The following SNX29 variants were observed in gnomAD, a reference collection of about 807,000 sequenced individuals.
SNX29 encodes the protein sorting nexin-29.
In SNX29, 78 loss-of-function variants were observed where a neutral mutation model predicts 102.1. The observed-to-expected ratio is 0.76, with a 90% CI of 0.64 to 0.92. The LOEUF (loss-of-function observed/expected upper bound fraction) is 0.92. SNX29 is among the 40% of genes least tolerant of loss of function. SNX29 has a pLI of 0.00. For missense variants in SNX29, 1,280 were observed against 1,061.7 expected, an observed-to-expected ratio of 1.21 and a Z score of -2.86; for synonymous variants, 580 against 414.5, an observed-to-expected ratio of 1.40 and a Z score of -4.85.
intron 1 of SNX29, among the ~76,000 whole-genome samples, chr16:11,978,383 T>C (rs372605441): frequency 1.3e-5 from 2 of 152,244 alleles, no homozygotes; most frequent in African/African-American, 4.8e-5. Flanking sequence ...ACCTGTGTTA[T>C]TTAAGAGTAA....
intron 18 of SNX29, among the ~76,000 whole-genome samples, chr16:12,446,351 T>C (rs542193261): frequency 6.6e-6 from 1 of 152,338 alleles, no homozygotes; most frequent in Middle Eastern, 3.4e-3. Context: ...CCACTGTGCC[T>C]GGCCCCATTT....
intron 11 of SNX29, among the ~76,000 whole-genome samples, chr16:12,115,689 C>G (rs1484933112): frequency 6.6e-6 from 1 of 152,210 alleles, no homozygotes. Context: ...CACGGTTTCA[C>G]ATTTATCTGG....
intron 18 of SNX29, among the ~76,000 whole-genome samples, chr16:12,423,525 G>A (rs2084946547): frequency 6.6e-6 from 1 of 152,172 alleles, no homozygotes; most frequent in Non-Finnish European, 1.5e-5. Context: ...CCTTTGGAAC[G>A]AAGGCTGGGG....
At chr16:12,541,933 C>T (rs1382325035) in intron 20 of SNX29, among the ~76,000 whole-genome samples, 1 of 152,196 alleles carries the variant, frequency 6.6e-6, no homozygotes, top group African/African-American at 2.4e-5. Flanking sequence ...ACGGTACATC[C>T]TGGGCCCACA....
chr16:12,358,155 G>A (rs951320876), intron 16 of SNX29, among the ~76,000 whole-genome samples: 3 of 151,618 alleles, frequency 2.0e-5, no homozygotes, highest in Non-Finnish European at 2.9e-5. Flanking sequence ...ACTTTACTGA[G>A]TTTTGCCATT....
At chr16:12,516,258 T>C (rs1343603500) in intron 19 of SNX29, among the ~76,000 whole-genome samples, 1 of 151,932 alleles carries the variant, frequency 6.6e-6, no homozygotes, top group Non-Finnish European at 1.5e-5. Context: ...GGAGGGAGGC[T>C]CGCTTAAGCC....
At chr16:11,986,375 A>AC (rs566248640) in intron 1 of SNX29, among the ~76,000 whole-genome samples, 1,111 of 13,178 alleles carry the variant, frequency 0.084, 3 homozygotes, top group Non-Finnish European at 0.19. Context: ...CCTACAACTT[A>AC]AAAAAAAAAA....
intron 15 of SNX29, among the ~76,000 whole-genome samples, chr16:12,282,592 A>G (rs1455260187): frequency 6.6e-6 from 1 of 152,216 alleles, no homozygotes; most frequent in Non-Finnish European, 1.5e-5. Flanking sequence ...GTAAAGAATG[A>G]TAAATGTGAG....
At chr16:12,433,286 G>A (rs1186460111) in intron 18 of SNX29, among the ~76,000 whole-genome samples, 3 of 152,064 alleles carry the variant, frequency 2.0e-5, no homozygotes, top group Non-Finnish European at 2.9e-5. Flanking sequence ...CTGCCTTAAC[G>A]TCCACTGATT....
At chr16:12,408,887 GC>G (rs1228327115) in intron 18 of SNX29, among the ~76,000 whole-genome samples, 5 of 152,186 alleles carry the variant, frequency 3.3e-5, no homozygotes, top group Admixed American at 3.3e-4. Flanking sequence ...CAGTCACAGA[GC>G]CCCCACTACT....
intron 14 of SNX29, among the ~76,000 whole-genome samples, chr16:12,236,040 C>A (rs185163495): frequency 2.6e-5 from 4 of 152,236 alleles, no homozygotes; most frequent in Admixed American, 2.6e-4. Context: ...TCCTTCCTGT[C>A]CTCTCTGTCT....
At chr16:12,300,701 G>T (rs1171223884) in intron 15 of SNX29, among the ~76,000 whole-genome samples, 5 of 152,166 alleles carry the variant, frequency 3.3e-5, no homozygotes, top group Non-Finnish European at 5.9e-5. Context: ...CGTTGCTCCA[G>T]CGGCCGTCGT....
chr16:12,057,595 A>C (rs2050571706), intron 8 of SNX29, among the ~76,000 whole-genome samples: 1 of 152,202 alleles, frequency 6.6e-6, no homozygotes, highest in Admixed American at 6.6e-5. Context: ...AAGTTGCTAC[A>C]TCTAGATACC....
chr16:12,556,947 G>A (rs1397761931), intron 20 of SNX29, among the ~76,000 whole-genome samples: 62 of 16,296 alleles, frequency 3.8e-3, no homozygotes, highest in African/African-American at 0.018. Context: ...CTGCCGCTCA[G>A]GCTCAGTCTT....
chr16:12,537,273 A>T (rs887642350), intron 20 of SNX29, among the ~76,000 whole-genome samples: 2 of 152,310 alleles, frequency 1.3e-5, no homozygotes, highest in East Asian at 3.9e-4. Context: ...CACCTCAGGA[A>T]ACTGGTTAGT....
chr16:12,274,735 C>T (rs79313140), intron 14 of SNX29, among the ~76,000 whole-genome samples: 4,663 of 152,202 alleles, frequency 0.031, 105 homozygotes, highest in Admixed American at 0.062. Flanking sequence ...TGGGGCTTCA[C>T]CATGTTGCCC....
At chr16:12,107,984 T>G (rs1008486509) in intron 11 of SNX29, among the ~76,000 whole-genome samples, 1 of 152,028 alleles carries the variant, frequency 6.6e-6, no homozygotes, top group African/African-American at 2.4e-5. Context: ...GGTAGTGGAA[T>G]GAGACTTCGA....
chr16:12,172,725 C>T (rs1446988899), intron 13 of SNX29, among the ~76,000 whole-genome samples: 1 of 152,114 alleles, frequency 6.6e-6, no homozygotes, highest in Non-Finnish European at 1.5e-5. Flanking sequence ...TATAATCCCT[C>T]GAGATAGGAA....
chr16:12,321,624 A>T lies in SNX29; in HGVS notation c.1783-34539A>T, dbSNP rs937908748. Among the ~76,000 whole-genome samples, 5 of 152,144 alleles carry T rather than the reference A, an allele frequency of 3.3e-5. No individual in the cohort carries two copies. The East Asian group carries it at 5.8e-4, about 18-fold the overall frequency. ...TGAGCTCCAGTGAGCAGATGAGCTC[A>T]AAGAGGGCGCTGAGAGCTGGGCTGA... On this transcript the variant is annotated intron_variant, in intron 15 of 20. Transcript: ENST00000566228.
Sources: allele counts gnomAD v4.1 joint callset (sites outside exome capture counted in the v4.1 genomes callset), GRCh38; gene constraint gnomAD v4.1.1; transcripts MANE v1.5; gene names NCBI Gene and HGNC (gene_info 2026-07-23, HGNC 2026-07-21).